The following LCOR variants were observed in gnomAD, a reference collection of about 807,000 sequenced individuals.
The protein encoded by LCOR is ligand dependent nuclear receptor corepressor, also known as ligand-dependent corepressor.
A neutral mutation model predicts 64.4 loss-of-function variants in LCOR; 14 were observed. The observed-to-expected ratio is 0.22, with a 90% CI of 0.14 to 0.34. The LOEUF is 0.34. Ranked by LOEUF, LCOR falls within the 10% of genes least tolerant of loss-of-function variation. The pLI is 1.00. For synonymous variants in LCOR, 643 were observed against 642.5 expected (o/e 1.00, Z -0.01); for missense variants, 1,686 against 1,765.3 (o/e 0.96, Z 0.80).
intron 4 of LCOR, among the ~76,000 whole-genome samples, chr10:96,913,200 G>A (rs909121076): frequency 1.3e-5 from 2 of 152,020 alleles, no homozygotes; most frequent in Non-Finnish European, 2.9e-5. Context: ...GTCGGTACTA[G>A]GTGTATGTAC....
chr10:96,927,704 G>A (rs562966482), intron 4 of LCOR, among the ~76,000 whole-genome samples: 5 of 152,178 alleles, frequency 3.3e-5, no homozygotes, highest in Non-Finnish European at 7.4e-5. Context: ...AGCACCATTT[G>A]TTGAAAAGAC....
chr10:96,920,730 A>ATATATGTGTG lies in LCOR; in HGVS notation c.-184+12988_-184+12989insGTGTGTATAT, dbSNP rs1554837284. Among the ~76,000 whole-genome samples, 782 of 111,448 alleles carry ATATATGTGTG rather than the reference A, an allele frequency of 7.0e-3. 48 individuals are homozygous for ATATATGTGTG. Among genetic ancestry groups the ATATATGTGTG allele is most frequent in the African/African-American group, 0.033 (752 of 22,938 alleles). The allele number at this position is 111,448 out of a possible 152,430, so 73.1% of individuals were successfully genotyped here. A position where few individuals can be genotyped will look rare whatever the true frequency, so the allele number is the denominator to read the frequency against. On this transcript the variant is annotated intron_variant, in intron 4 of 7. Transcript: ENST00000421806. ...TGTGTGTATATATGTATATATGTTC[A>ATATATGTGTG]TATATATGTGTATATATGTATACAC...
chr10:96,877,784 T>C (rs1846194725), intron 2 of LCOR, among the ~76,000 whole-genome samples: 1 of 151,858 alleles, frequency 6.6e-6, no homozygotes, highest in African/African-American at 2.4e-5. Context: ...GCTAATTTTT[T>C]GTATTTTTAG....
At chr10:96,956,495 G>A in intron 7 of LCOR, 1 of 982,320 alleles carries the variant, frequency 1.0e-6, no homozygotes, top group Non-Finnish European at 1.2e-6. Flanking sequence ...CATAATTATT[G>A]GGTCATTTAT....
chr10:96,957,383 G>C (rs768062773), intron 7 of LCOR: 2 of 984,834 alleles, frequency 2.0e-6, no homozygotes, highest in African/African-American at 3.5e-5. Flanking sequence ...TTATAATAAG[G>C]GAAGTTTATT....
chr10:96,892,152 C>A (rs541461590), intron 2 of LCOR, among the ~76,000 whole-genome samples: 1 of 152,106 alleles, frequency 6.6e-6, no homozygotes, highest in South Asian at 2.1e-4. Context: ...CCTTATGTAT[C>A]TTTTGCTTAG....
At chr10:96,872,672 TAAAAC>T (rs1422856887) in intron 2 of LCOR, among the ~76,000 whole-genome samples, 7 of 151,998 alleles carry the variant, frequency 4.6e-5, no homozygotes, top group Admixed American at 2.0e-4. Flanking sequence ...GACTCTGTCT[TAAAAC>T]AAAACAAAAA....
At position 96,983,448 on chromosome 10, in the gene LCOR, C is replaced by G; in HGVS notation, c.2988C>G (p.Asn996Lys). Residue 996 changes from asparagine to lysine, a missense_variant, in exon 8 of 8, where the codon AAC (asparagine) becomes AAG (lysine). Physicochemically the swap from Asn to Lys is moderately conservative, Grantham distance 94. Around this residue, in one of 3 missense-constraint regions of LCOR, gnomAD observed 1,293 missense variants for 1,410.4 expected, o/e 0.92. Coordinates refer to ENST00000421806, the MANE Select transcript of LCOR (RefSeq NM_001346516.2). The surrounding 1 kb of genome is among the most constrained non-coding windows in gnomAD (Gnocchi z 4.5). The part of the protein sequence containing the change: ...HVEEAVNEVD[N>K]ENTQQKDDES... ...AGGAGGCTGTGAATGAGGTAGACAA[C>G]GAAAACACCCAGCAGAAAGATGATG... 6.2e-7 allele frequency: 1 copy of G among 1,614,142 alleles called. No individual in the cohort carries two copies.
At chr10:96,834,567 T>G (rs1017808914) in intron 2 of LCOR, among the ~76,000 whole-genome samples, 1 of 152,208 alleles carries the variant, frequency 6.6e-6, no homozygotes, top group Non-Finnish European at 1.5e-5. Flanking sequence ...AGCATGAAAT[T>G]AATGCGTTTT....
chr10:96,933,720 G>A (rs549081366), intron 4 of LCOR, among the ~76,000 whole-genome samples: 2 of 152,164 alleles, frequency 1.3e-5, no homozygotes, highest in South Asian at 2.1e-4. Flanking sequence ...GGATTTCACC[G>A]TGTTGATCAG....
rs2091430015 is a variant in LCOR, at chr10:96,992,718, C to T, written c.*7584C>T. On this transcript the variant is annotated 3_prime_UTR_variant, in exon 8 of 8. Coordinates refer to ENST00000421806, the MANE Select transcript of LCOR (RefSeq NM_001346516.2). ...TTAACAGCCTGTACAGGAAAATGAG[C>T]CTTAGTTGTAGCCCCAAGGAAATCC... 1 of 152,246 alleles carries T rather than the reference C, an allele frequency of 6.6e-6. No individual in the cohort carries two copies. The highest frequency in any genetic ancestry group is 6.5e-5 in the Admixed American group (1 of 15,290). 9.4% of individuals were successfully genotyped at this position (152,246 alleles called of 1,614,324 possible).
intron 2 of LCOR, among the ~76,000 whole-genome samples, chr10:96,870,223 G>C (rs1846050193): frequency 6.6e-6 from 1 of 151,852 alleles, no homozygotes; most frequent in Non-Finnish European, 1.5e-5. Flanking sequence ...GGTTTCACCA[G>C]GATGGTCTCA....
intron 2 of LCOR, among the ~76,000 whole-genome samples, chr10:96,906,640 A>G (rs922376142): frequency 3.9e-5 from 6 of 152,220 alleles, no homozygotes; most frequent in South Asian, 4.1e-4. Flanking sequence ...GTGTACAAGT[A>G]TATTTGATTT....
chr10:96,889,448 TCTC>T (rs937847111), intron 2 of LCOR, among the ~76,000 whole-genome samples: 4 of 152,160 alleles, frequency 2.6e-5, no homozygotes, highest in African/African-American at 7.2e-5. Flanking sequence ...TGCTGAGGCC[TCTC>T]CTCCTGGCTT....
At chr10:96,945,039 A>G (rs1051189354) in intron 5 of LCOR, among the ~76,000 whole-genome samples, 3 of 152,192 alleles carry the variant, frequency 2.0e-5, no homozygotes, top group African/African-American at 7.2e-5. Flanking sequence ...ATGGATTTAT[A>G]CTTCTTAGTT....
intron 7 of LCOR, among the ~76,000 whole-genome samples, chr10:96,969,946 ATTT>A (rs751045855): frequency 0.034 from 2,334 of 67,722 alleles, 103 homozygotes; most frequent in African/African-American, 0.13. Context: ...CACCTGGATA[ATTT>A]TTTTTTTTTT....
At chr10:96,851,836 A>G (rs1029265854) in intron 2 of LCOR, among the ~76,000 whole-genome samples, 6 of 152,212 alleles carry the variant, frequency 3.9e-5, no homozygotes, top group African/African-American at 1.4e-4. Flanking sequence ...CAGTTGATTC[A>G]GGTATTCTGG....
chr10:96,893,651 T>C (rs908535145), intron 2 of LCOR, among the ~76,000 whole-genome samples: 5 of 151,786 alleles, frequency 3.3e-5, no homozygotes, highest in Non-Finnish European at 7.4e-5. Context: ...TAGTCCCAGC[T>C]ACTCGGGAGG....
intron 2 of LCOR, among the ~76,000 whole-genome samples, chr10:96,841,363 T>C (rs1419483138): frequency 1.4e-5 from 1 of 69,766 alleles, no homozygotes; most frequent in Admixed American, 1.4e-4. Flanking sequence ...AAACTTACAC[T>C]TTTTTTTTTT....
Sources: gnomAD v4.1 joint callset for allele counts (sites outside exome capture counted in the v4.1 genomes callset) on GRCh38, gnomAD v4.1.1 for gene constraint, gnomAD v4.1.1 regional missense constraint, Gnocchi (gnomAD v3.1) non-coding constraint, MANE v1.5 for transcripts, NCBI Gene and HGNC (gene_info 2026-07-23, HGNC 2026-07-21) for gene names.